The following MRAP2 variants were observed in gnomAD, a reference collection of about 807,000 sequenced individuals.
The protein encoded by MRAP2 is melanocortin 2 receptor accessory protein 2.
In MRAP2, 20 loss-of-function variants were observed where a neutral mutation model predicts 17.4. That is an observed-to-expected ratio of 1.15 (90% CI 0.81 to 1.67). The LOEUF (loss-of-function observed/expected upper bound fraction) is 1.67. Ranked by LOEUF, MRAP2 falls within the 40% of genes most tolerant of loss-of-function variation. The pLI is 0.00. For missense variants in MRAP2, 238 were observed against 240.0 expected, an observed-to-expected ratio of 0.99 and a Z score of 0.05; for synonymous variants, 96 against 88.4, an observed-to-expected ratio of 1.09 and a Z score of -0.48.
chr6:84,071,336 T>C (rs988482484), intron 3 of MRAP2, among the ~76,000 whole-genome samples: 3 of 152,204 alleles, frequency 2.0e-5, no homozygotes, highest in Non-Finnish European at 4.4e-5. Context: ...CCTTCATATA[T>C]GATGCTTAGT....
chr6:84,118,483 T>C, the MRAP2 span, among the ~76,000 whole-genome samples: 6 of 152,072 alleles, frequency 3.9e-5, no homozygotes, highest in Admixed American at 2.6e-4. Context: ...TCCCGCCCCA[T>C]GAAGAGGAAC....
At position 84,065,284 on chromosome 6, in the gene MRAP2, C is replaced by CAA. The variant is rs34029427; in HGVS notation, c.227+2305_227+2306dup. On this transcript the variant is annotated intron_variant, in intron 3 of 3. Transcript: ENST00000257776. ...TAAATGACAGAGTAAGACCCTGTCT[C>CAA]AAAAAAAAAAAAAATTTAAACACAA... Among the ~76,000 whole-genome samples, 48 of 135,656 alleles carry CAA rather than the reference C, an allele frequency of 3.5e-4. 1 individual carries two copies. The highest frequency in any genetic ancestry group is 3.8e-3 in the Middle Eastern group (1 of 264). The allele number at this position is 135,656 out of a possible 152,430, so 89.0% of individuals were successfully genotyped here. A position where few individuals can be genotyped will look rare whatever the true frequency, so the allele number is the denominator to read the frequency against.
chr6:84,076,224 A>ATT (rs1253662556), intron 3 of MRAP2, among the ~76,000 whole-genome samples: 2,895 of 136,714 alleles, frequency 0.021, 95 homozygotes, highest in African/African-American at 0.074. Context: ...CACCCAGCTA[A>ATT]TTTTTTTTTT....
At chr6:84,077,192 T>G (rs2099497852) in intron 3 of MRAP2, among the ~76,000 whole-genome samples, 1 of 152,190 alleles carries the variant, frequency 6.6e-6, no homozygotes, top group African/African-American at 2.4e-5. Flanking sequence ...AAGAGCAGGT[T>G]AGTAAAATAT....
At chr6:84,096,512 C>G in the MRAP2 span, among the ~76,000 whole-genome samples, 1 of 152,050 alleles carries the variant, frequency 6.6e-6, no homozygotes, top group Non-Finnish European at 1.5e-5. Context: ...CCTTTGACTT[C>G]AAGTGAAATG....
At chr6:84,127,325 T>TA in the MRAP2 span, among the ~76,000 whole-genome samples, 1 of 122,374 alleles carries the variant, frequency 8.2e-6, no homozygotes, top group African/African-American at 4.2e-5. Context: ...ACAATAATAC[T>TA]AATACTAAAA....
chr6:84,142,493 G>A, the MRAP2 span, among the ~76,000 whole-genome samples: 1 of 151,964 alleles, frequency 6.6e-6, no homozygotes, highest in Admixed American at 6.6e-5. Context: ...TATTTAATTG[G>A]CTTACAGAAA....
intron 1 of MRAP2, among the ~76,000 whole-genome samples, chr6:84,044,671 T>C (rs113403395): frequency 6.6e-6 from 1 of 152,252 alleles, no homozygotes; most frequent in South Asian, 2.1e-4. Flanking sequence ...CTTATGAAGA[T>C]ATTCTTCAGA....
chr6:84,064,777 G>A lies in MRAP2; in HGVS notation c.227+1785G>A, dbSNP rs113447965. Among the ~76,000 whole-genome samples, 1,087 of 151,786 alleles carry A rather than the reference G, an allele frequency of 7.2e-3. 2 individuals are homozygous for A. The highest frequency in any genetic ancestry group is 0.012 in the African/African-American group (484 of 41,438). On this transcript the variant is annotated intron_variant, in intron 3 of 3. Coordinates refer to ENST00000257776, the MANE Select transcript of MRAP2 (RefSeq NM_138409.4). ...GCTGGGATTACAGGCGTGAGCCACC[G>A]CGCCGGGCCGAATCCTGGCATTTTT...
the MRAP2 span, among the ~76,000 whole-genome samples, chr6:84,121,103 G>T: frequency 3.4e-5 from 5 of 147,694 alleles, no homozygotes; most frequent in South Asian, 1.1e-3. Flanking sequence ...TACAGGCAGG[G>T]TCTTACTCTG....
the MRAP2 span, among the ~76,000 whole-genome samples, chr6:84,106,281 C>G: frequency 1.3e-5 from 2 of 152,316 alleles, no homozygotes; most frequent in East Asian, 3.9e-4. Context: ...ATAAGGCATT[C>G]TATACGTCAG....
intron 1 of MRAP2, among the ~76,000 whole-genome samples, chr6:84,041,216 T>C (rs2129158264): frequency 6.6e-6 from 1 of 152,318 alleles, no homozygotes; most frequent in Admixed American, 6.5e-5. Context: ...CAGCTTCCAT[T>C]TGGTGTTGAG....
chr6:84,033,673 G>A (rs572052871), upstream of MRAP2: 1 of 984,176 alleles, frequency 1.0e-6, no homozygotes, highest in South Asian at 4.7e-5. Context: ...CTCGCGCTGG[G>A]GAGGCGGCTC....
chr6:84,144,237 G>A, the MRAP2 span, among the ~76,000 whole-genome samples: 4 of 152,042 alleles, frequency 2.6e-5, no homozygotes, highest in Non-Finnish European at 4.4e-5. Flanking sequence ...AGGAATCATT[G>A]TCAAATAAAG....
rs775755022 is a variant in MRAP2, at chr6:84,055,360, A to G, written c.42A>G (p.Gln14=). 2.1e-5 allele frequency: 34 copies of G among 1,613,738 alleles called. No individual in the cohort carries two copies. The highest frequency in any genetic ancestry group is 3.3e-5 in the Admixed American group (2 of 59,908). Residue 14 remains glutamine, a synonymous_variant, in exon 2 of 4, where the codon CAA becomes CAG. Coordinates refer to ENST00000257776, the MANE Select transcript of MRAP2 (RefSeq NM_138409.4). ...QRLISNRTSQ[Q]SASNSDYTWE... is the part of the protein sequence containing the mutation. ...TAATTTCTAACAGAACCTCCCAGCA[A>G]TCGGCATCTAATTCTGATTACACCT...
chr6:84,065,561 A>T (rs2129168770), intron 3 of MRAP2, among the ~76,000 whole-genome samples: 1 of 152,298 alleles, frequency 6.6e-6, no homozygotes, highest in East Asian at 1.9e-4. Flanking sequence ...GTGGTCAGGG[A>T]ATAATAATAC....
At chr6:84,040,108 G>A (rs772788779) in intron 1 of MRAP2, among the ~76,000 whole-genome samples, 34 of 152,180 alleles carry the variant, frequency 2.2e-4, no homozygotes, top group Non-Finnish European at 4.1e-4. Flanking sequence ...GACCCACTGG[G>A]AGGTAATTGA....
chr6:84,098,984 A>G, the MRAP2 span, among the ~76,000 whole-genome samples: 920 of 152,142 alleles, frequency 6.0e-3, 9 homozygotes, highest in African/African-American at 0.021. Context: ...TTTAATAGAT[A>G]TCATGCTTTT....
the MRAP2 span, among the ~76,000 whole-genome samples, chr6:84,112,282 C>G: frequency 6.6e-6 from 1 of 152,160 alleles, no homozygotes; most frequent in Non-Finnish European, 1.5e-5. Context: ...AATTTCAGAA[C>G]TTGTTATTGG....
Sources: allele counts gnomAD v4.1 joint callset (sites outside exome capture counted in the v4.1 genomes callset), GRCh38; gene constraint gnomAD v4.1.1; transcripts MANE v1.5; gene names NCBI Gene and HGNC (gene_info 2026-07-23, HGNC 2026-07-21).